The following CLSTN2 variants were observed in gnomAD, a reference collection of about 807,000 sequenced individuals.
CLSTN2 encodes the protein calsyntenin-2.
A neutral mutation model predicts 101.2 loss-of-function variants in CLSTN2; 48 were observed. The ratio of observed to expected loss-of-function variants is 0.47; its 90% CI spans 0.38 to 0.60. The LOEUF is 0.60. Among genes scored for constraint, CLSTN2 ranks in the 20% least tolerant of loss-of-function variants. The pLI is 0.00. For missense variants in CLSTN2, 1,160 were observed against 1,238.2 expected, an observed-to-expected ratio of 0.94 and a Z score of 0.95; for synonymous variants, 481 against 463.6, an observed-to-expected ratio of 1.04 and a Z score of -0.48.
At chr3:140,072,526 G>A (rs2008414134) in intron 1 of CLSTN2, among the ~76,000 whole-genome samples, 1 of 152,148 alleles carries the variant, frequency 6.6e-6, no homozygotes, top group Non-Finnish European at 1.5e-5. Flanking sequence ...TGTTTACAGT[G>A]GGGTTGTGTA....
intron 2 of CLSTN2, among the ~76,000 whole-genome samples, chr3:140,226,068 AC>A (rs1377135932): frequency 6.6e-6 from 1 of 152,214 alleles, no homozygotes; most frequent in Admixed American, 6.5e-5. Flanking sequence ...GATATATACA[AC>A]CACCTGGGTG....
At chr3:140,441,745 C>T (rs1576569593) in intron 5 of CLSTN2, among the ~76,000 whole-genome samples, 1 of 152,184 alleles carries the variant, frequency 6.6e-6, no homozygotes, top group African/African-American at 2.4e-5. Context: ...CAGCTTCTGT[C>T]ACTCCCTTCC....
intron 2 of CLSTN2, among the ~76,000 whole-genome samples, chr3:140,353,552 C>T (rs1419502414): frequency 3.3e-5 from 5 of 152,116 alleles, no homozygotes; most frequent in Admixed American, 2.0e-4. Flanking sequence ...AAACGTTAAT[C>T]TCCTTTGACA....
intron 1 of CLSTN2, among the ~76,000 whole-genome samples, chr3:140,071,832 A>AAAATAAATAAAT (rs142873442): frequency 0.056 from 8,367 of 149,736 alleles, 290 homozygotes; most frequent in African/African-American, 0.077. Context: ...CTCCGTCTAA[A>AAAATAAATAAAT]AAATAAATAA....
rs1483255162 is a variant in CLSTN2, at chr3:140,404,807, A to G, written c.637+41A>G. The G allele has an allele frequency of 1.9e-6, 3 of 1,539,156 alleles. No individual in the cohort carries two copies. The African/African-American group carries it at 4.1e-5, about 21-fold the overall frequency. Reference sequence around the variant, plus strand: ...GGACCCCTGTGGGGTCAGGAAAACAAATCCATCGCCTCCACTCTGAAGACC... The same window carrying G: ...GGACCCCTGTGGGGTCAGGAAAACAGATCCATCGCCTCCACTCTGAAGACC... On this transcript the variant is annotated intron_variant, in intron 4 of 16. Coordinates refer to ENST00000458420, the MANE Select transcript of CLSTN2 (RefSeq NM_022131.3).
chr3:140,533,041 G>T (rs549944620), intron 9 of CLSTN2, among the ~76,000 whole-genome samples: 1 of 152,304 alleles, frequency 6.6e-6, no homozygotes, highest in East Asian at 1.9e-4. Context: ...TGGCATCTAA[G>T]GACAGAGGCC....
At chr3:140,127,642 C>G (rs1422051324) in intron 1 of CLSTN2, among the ~76,000 whole-genome samples, 1 of 152,152 alleles carries the variant, frequency 6.6e-6, no homozygotes, top group Non-Finnish European at 1.5e-5. Flanking sequence ...CTAAGTCAAA[C>G]TTCCTAGTCA....
chr3:140,344,826 A>G (rs1339967482), intron 2 of CLSTN2, among the ~76,000 whole-genome samples: 1 of 152,214 alleles, frequency 6.6e-6, no homozygotes, highest in Non-Finnish European at 1.5e-5. Flanking sequence ...TTTCCCCAGC[A>G]TGCAGCACAG....
intron 1 of CLSTN2, among the ~76,000 whole-genome samples, chr3:140,095,299 G>A (rs1198856618): frequency 1.3e-5 from 2 of 152,178 alleles, no homozygotes; most frequent in African/African-American, 2.4e-5. Context: ...AGCTACTGTC[G>A]TGGGGAGGAC....
At chr3:140,357,372 G>A (rs1183616327) in intron 2 of CLSTN2, among the ~76,000 whole-genome samples, 5 of 151,884 alleles carry the variant, frequency 3.3e-5, no homozygotes, top group African/African-American at 9.7e-5. Flanking sequence ...CTGCATTTCC[G>A]AATGCAGCCC....
At chr3:140,047,028 C>G (rs1463311886) in intron 1 of CLSTN2, among the ~76,000 whole-genome samples, 2 of 152,086 alleles carry the variant, frequency 1.3e-5, no homozygotes, top group African/African-American at 2.4e-5. Flanking sequence ...AAGAAAAAGT[C>G]AAGAATATTT....
intron 9 of CLSTN2, among the ~76,000 whole-genome samples, chr3:140,541,616 C>T (rs761657059): frequency 1.3e-5 from 2 of 152,168 alleles, no homozygotes; most frequent in South Asian, 2.1e-4. Context: ...TAGGAACATC[C>T]GTGGTCCATC....
At chr3:140,135,165 A>G (rs1482477642) in intron 1 of CLSTN2, among the ~76,000 whole-genome samples, 1 of 123,290 alleles carries the variant, frequency 8.1e-6, no homozygotes, top group Admixed American at 8.4e-5. Flanking sequence ...TATATATAAA[A>G]TATGCTGGGT....
intron 2 of CLSTN2, among the ~76,000 whole-genome samples, chr3:140,228,353 TA>T (rs1374304200): frequency 6.6e-6 from 1 of 152,190 alleles, no homozygotes; most frequent in African/African-American, 2.4e-5. Context: ...TCTAGTTCCC[TA>T]AAAGCTCCTC....
chr3:140,239,748 A>G (rs1233012085), intron 2 of CLSTN2, among the ~76,000 whole-genome samples: 7 of 152,158 alleles, frequency 4.6e-5, no homozygotes, highest in African/African-American at 1.7e-4. Flanking sequence ...CACATTATCA[A>G]TTACAACTAC....
intron 2 of CLSTN2, among the ~76,000 whole-genome samples, chr3:140,391,047 C>G (rs1397540951): frequency 6.6e-6 from 1 of 152,208 alleles, no homozygotes; most frequent in Non-Finnish European, 1.5e-5. Flanking sequence ...GGCTGGCAGT[C>G]TGTCCCCACA....
intron 1 of CLSTN2, among the ~76,000 whole-genome samples, chr3:140,102,560 TC>T (rs2008985577): frequency 1.3e-5 from 2 of 152,200 alleles, no homozygotes; most frequent in African/African-American, 4.8e-5. Context: ...TGGCAAGATT[TC>T]CCACAAGCCA....
At chr3:140,219,981 T>A (rs4592987) in intron 2 of CLSTN2, among the ~76,000 whole-genome samples, 1 of 151,982 alleles carries the variant, frequency 6.6e-6, no homozygotes, top group East Asian at 1.9e-4. Context: ...ATTTTACAGA[T>A]GGAGAAATGG....
At chr3:140,436,042 T>G (rs2088684549) in intron 5 of CLSTN2, among the ~76,000 whole-genome samples, 1 of 152,234 alleles carries the variant, frequency 6.6e-6, no homozygotes, top group Non-Finnish European at 1.5e-5. Context: ...CTTTGTTGAT[T>G]GTTTCCTTTG....
Sources: allele counts gnomAD v4.1 joint callset (sites outside exome capture counted in the v4.1 genomes callset), GRCh38; gene constraint gnomAD v4.1.1; transcripts MANE v1.5; gene names NCBI Gene and HGNC (gene_info 2026-07-23, HGNC 2026-07-21).